Variants in COLEC12 observed in about 807,000 individuals in gnomAD.
The protein encoded by COLEC12 is collectin subfamily member 12, also known as collectin-12.
In COLEC12, 33 loss-of-function variants were observed where a neutral mutation model predicts 71.1. The ratio of observed to expected loss-of-function variants is 0.46; its 90% CI spans 0.35 to 0.62. The LOEUF is 0.62. Among genes scored for constraint, COLEC12 ranks in the 20% least tolerant of loss-of-function variants. The pLI, the probability that COLEC12 is intolerant of heterozygous loss-of-function variation, is 0.00. For synonymous variants in COLEC12, 350 were observed against 353.0 expected, an observed-to-expected ratio of 0.99 and a Z score of 0.10; for missense variants, 765 against 916.1, an observed-to-expected ratio of 0.84 and a Z score of 2.13.
At chr18:429,082 A>AT (rs1321900354) in intron 2 of COLEC12, among the ~76,000 whole-genome samples, 1 of 152,172 alleles carries the variant, frequency 6.6e-6, no homozygotes, top group African/African-American at 2.4e-5. Flanking sequence ...GTAGGGAGTG[A>AT]TTTTTTCCTA....
chr18:456,138 A>T (rs993325949), intron 2 of COLEC12, among the ~76,000 whole-genome samples: 1 of 152,098 alleles, frequency 6.6e-6, no homozygotes, highest in Non-Finnish European at 1.5e-5. Flanking sequence ...TTCTGAATTG[A>T]TCTTAGGCAA....
intron 8 of COLEC12, among the ~76,000 whole-genome samples, chr18:330,544 T>G (rs1913950901): frequency 6.6e-6 from 1 of 152,036 alleles, no homozygotes; most frequent in South Asian, 2.1e-4. Context: ...TTTGTTACAG[T>G]TCCTTGCAAT....
At position 377,801 on chromosome 18, in the gene COLEC12, G is replaced by T. The variant is rs560000104; in HGVS notation, c.59-20279C>A. Among the ~76,000 whole-genome samples the T allele has an allele frequency of 5.3e-4, 81 of 152,192 alleles. 1 individual carries two copies. The Middle Eastern group carries it at 0.014, about 26-fold the overall frequency. ...CTGATGAGCGGCCCAAGAAAGACAG[G>T]GCCTGGATCAGAAGGACACCACCAG... On this transcript the variant is annotated intron_variant, in intron 2 of 9. Coordinates refer to ENST00000400256, the MANE Select transcript of COLEC12 (RefSeq NM_130386.3).
At chr18:371,586 T>C (rs1915000606) in intron 2 of COLEC12, among the ~76,000 whole-genome samples, 1 of 152,078 alleles carries the variant, frequency 6.6e-6, no homozygotes, top group Admixed American at 6.5e-5. Context: ...GAGTAGGGGA[T>C]AGAAACAATT....
At chr18:351,918 G>T (rs923329515) in intron 3 of COLEC12, among the ~76,000 whole-genome samples, 3 of 152,104 alleles carry the variant, frequency 2.0e-5, no homozygotes, top group African/African-American at 7.2e-5. Context: ...GACCTCAGAT[G>T]ATCTGCCCAC....
chr18:360,470 T>C (rs1408029376), intron 2 of COLEC12, among the ~76,000 whole-genome samples: 1 of 152,152 alleles, frequency 6.6e-6, no homozygotes, highest in African/African-American at 2.4e-5. Context: ...GGAGTATAGG[T>C]GTGAGCCACC....
At chr18:404,422 T>C (rs1317554144) in intron 2 of COLEC12, among the ~76,000 whole-genome samples, 1 of 152,158 alleles carries the variant, frequency 6.6e-6, no homozygotes, top group African/African-American at 2.4e-5. Context: ...TAGCTTATGA[T>C]GTTGTAAGCC....
intron 1 of COLEC12, among the ~76,000 whole-genome samples, chr18:481,560 C>T (rs1358060143): frequency 1.3e-5 from 2 of 152,114 alleles, no homozygotes; most frequent in East Asian, 3.9e-4. Flanking sequence ...CAAAATTAGC[C>T]AGATGTGGTG....
intron 3 of COLEC12, among the ~76,000 whole-genome samples, chr18:349,086 A>G (rs369380604): frequency 7.9e-5 from 12 of 152,160 alleles, no homozygotes; most frequent in African/African-American, 2.7e-4. Context: ...CCAAATGTTA[A>G]CCCCCAAGAC....
At chr18:394,701 A>T (rs1484923748) in intron 2 of COLEC12, among the ~76,000 whole-genome samples, 1 of 152,212 alleles carries the variant, frequency 6.6e-6, no homozygotes, top group Non-Finnish European at 1.5e-5. Context: ...ACTTTATAAA[A>T]GAAGAAGCTG....
intron 2 of COLEC12, among the ~76,000 whole-genome samples, chr18:425,347 C>T (rs147462347): frequency 1.3e-5 from 2 of 152,138 alleles, no homozygotes; most frequent in South Asian, 4.2e-4. Flanking sequence ...AGCTGCCCCT[C>T]CCACCCAGGG....
intron 2 of COLEC12, among the ~76,000 whole-genome samples, chr18:412,876 C>T (rs1243926714): frequency 6.6e-6 from 1 of 151,976 alleles, no homozygotes; most frequent in Non-Finnish European, 1.5e-5. Context: ...TTCAGATAAC[C>T]CACTGGCAGG....
intron 2 of COLEC12, among the ~76,000 whole-genome samples, chr18:457,591 C>G (rs568436000): frequency 6.6e-6 from 1 of 152,288 alleles, no homozygotes; most frequent in Non-Finnish European, 1.5e-5. Context: ...TGTAAACGAT[C>G]TTTTGGTGGA....
At chr18:418,433 T>C (rs1567902109) in intron 2 of COLEC12, among the ~76,000 whole-genome samples, 2 of 152,198 alleles carry the variant, frequency 1.3e-5, no homozygotes, top group East Asian at 1.9e-4. Flanking sequence ...CCTGGGTCTG[T>C]CTCTGTCAGA....
At chr18:333,271 C>A in intron 6 of COLEC12, 128 bp from the exon 7 acceptor site, 2 of 727,124 alleles carry the variant, frequency 2.8e-6, no homozygotes, top group South Asian at 3.8e-5. Flanking sequence ...TGCACGAGGC[C>A]CACAGCTGAC....
chr18:479,134 G>GTT (rs1050115078), intron 2 of COLEC12, among the ~76,000 whole-genome samples: 1 of 152,022 alleles, frequency 6.6e-6, no homozygotes, highest in African/African-American at 2.4e-5. Context: ...ATCTTTCTGT[G>GTT]TTTTTTTGTT....
At chr18:486,215 T>G (rs897284333) in intron 1 of COLEC12, among the ~76,000 whole-genome samples, 1 of 152,336 alleles carries the variant, frequency 6.6e-6, no homozygotes, top group African/African-American at 2.4e-5. Context: ...AGACAGAATC[T>G]TGCTCTGTCA....
intron 2 of COLEC12, among the ~76,000 whole-genome samples, chr18:468,408 TA>T (rs992971986): frequency 2.0e-5 from 3 of 152,180 alleles, no homozygotes; most frequent in African/African-American, 7.2e-5. Context: ...CAGAAGGGCT[TA>T]TTTGAGACCC....
At chr18:326,411 G>A (rs550662123) in intron 8 of COLEC12, among the ~76,000 whole-genome samples, 3 of 151,972 alleles carry the variant, frequency 2.0e-5, no homozygotes, top group Non-Finnish European at 4.4e-5. Context: ...GCTGTGGTGC[G>A]ATGTCAGCTC....
Sources: allele counts gnomAD v4.1 joint callset (sites outside exome capture counted in the v4.1 genomes callset), GRCh38; gene constraint gnomAD v4.1.1; transcripts MANE v1.5; gene names NCBI Gene and HGNC (gene_info 2026-07-23, HGNC 2026-07-21).